Variants in ERBB4 observed in about 807,000 individuals in gnomAD.
The protein encoded by ERBB4 is erb-b2 receptor tyrosine kinase 4.
Under a neutral mutation model 158.0 loss-of-function variants are expected in ERBB4, and 42 were observed. That is an observed-to-expected ratio of 0.27 (90% CI 0.21 to 0.34). ERBB4 has a LOEUF of 0.34. Among genes scored for constraint, ERBB4 ranks in the 10% least tolerant of loss-of-function variants. The pLI, the probability that ERBB4 is intolerant of heterozygous loss-of-function variation, is 1.00. For missense variants in ERBB4, 1,333 were observed against 1,624.1 expected (o/e 0.82, Z 3.08); for synonymous variants, 583 against 558.7 (o/e 1.04, Z -0.61).
Position 211,890,290 on chromosome 2 carries a change from A to C in ERBB4, c.421+57140T>G, listed in dbSNP as rs1246613921. Among the ~76,000 whole-genome samples the C allele has an allele frequency of 8.1e-5, 10 of 122,868 alleles. No homozygotes were observed. In the South Asian group the frequency reaches 3.1e-3, roughly 38 times the overall value. The allele number at this position is 122,868 out of a possible 152,430, so 80.6% of individuals were successfully genotyped here. A position where few individuals can be genotyped will look rare whatever the true frequency, so the allele number is the denominator to read the frequency against. ...AAAAGAATTTTCAACCCAGAATTTC[A>C]TATCCAGCCAAACTAAGCTTCATAA... On this transcript the variant is annotated intron_variant, in intron 3 of 27. Transcript: ENST00000342788.
intron 1 of ERBB4, among the ~76,000 whole-genome samples, chr2:212,512,169 T>TA (rs1383875256): frequency 1.3e-5 from 2 of 152,076 alleles, no homozygotes; most frequent in Non-Finnish European, 2.9e-5. Flanking sequence ...AAGGAAGAGG[T>TA]AAAGGAAGTA....
chr2:211,706,497 A>G (rs114993822), intron 9 of ERBB4, among the ~76,000 whole-genome samples: 220 of 152,008 alleles, frequency 1.4e-3, no homozygotes, highest in African/African-American at 5.3e-3. Flanking sequence ...AAAGAGTATC[A>G]GTTCCAGCAA....
intron 1 of ERBB4, among the ~76,000 whole-genome samples, chr2:212,210,362 AAG>A (rs1296987655): frequency 6.6e-6 from 1 of 152,116 alleles, no homozygotes; most frequent in Admixed American, 6.6e-5. Flanking sequence ...CAGTAAATAA[AAG>A]AAAAAAATGA....
chr2:212,409,412 A>G (rs1321705846), intron 1 of ERBB4, among the ~76,000 whole-genome samples: 1 of 152,088 alleles, frequency 6.6e-6, no homozygotes, highest in East Asian at 1.9e-4. Context: ...TTTGTGGGTT[A>G]TTTTTTATTG....
Position 211,712,039 on chromosome 2 carries a change from T to G in ERBB4, c.1124+11A>C. The G allele has an allele frequency of 1.9e-6, 3 of 1,609,708 alleles. No individual in the cohort carries two copies. The highest frequency in any genetic ancestry group is 1.7e-6 in the Non-Finnish European group (2 of 1,176,282). ...TTTGTAAAATAACTTGCACAAAAATTTAATACTGACCCATGAATACCAGTG... is the reference window on the plus strand; with the variant it reads ...TTTGTAAAATAACTTGCACAAAAATGTAATACTGACCCATGAATACCAGTG... On this transcript the variant is annotated intron_variant, in intron 9 of 27. Coordinates refer to ENST00000342788, the MANE Select transcript of ERBB4 (RefSeq NM_005235.3).
chr2:212,260,980 T>C (rs534995961), intron 1 of ERBB4, among the ~76,000 whole-genome samples: 8 of 152,224 alleles, frequency 5.3e-5, no homozygotes, highest in South Asian at 4.1e-4. Flanking sequence ...ATTACAGGCA[T>C]AAGTAATACA....
intron 3 of ERBB4, among the ~76,000 whole-genome samples, chr2:211,810,904 G>A (rs2076738449): frequency 6.6e-6 from 1 of 151,808 alleles, no homozygotes; most frequent in African/African-American, 2.4e-5. Flanking sequence ...TCGATCTCCT[G>A]ACCTCATGAT....
intron 1 of ERBB4, among the ~76,000 whole-genome samples, chr2:212,516,926 C>A (rs952445329): frequency 6.6e-6 from 1 of 152,072 alleles, no homozygotes; most frequent in African/African-American, 2.4e-5. Flanking sequence ...GCAGAATGAA[C>A]TGAATTCCAT....
chr2:211,521,624 CT>C (rs2066187992), intron 20 of ERBB4, among the ~76,000 whole-genome samples: 1 of 152,160 alleles, frequency 6.6e-6, no homozygotes, highest in Non-Finnish European at 1.5e-5. Context: ...CAGCCTTATA[CT>C]GAAAGAAGAT....
At chr2:211,587,103 A>G (rs2068304308) in intron 19 of ERBB4, among the ~76,000 whole-genome samples, 2 of 151,946 alleles carry the variant, frequency 1.3e-5, no homozygotes, top group Admixed American at 6.6e-5. Context: ...AAGATAAGAC[A>G]CCCTGCAGGG....
At chr2:211,838,246 G>A (rs576005925) in intron 3 of ERBB4, among the ~76,000 whole-genome samples, 8 of 152,082 alleles carry the variant, frequency 5.3e-5, no homozygotes, top group Non-Finnish European at 1.0e-4. Context: ...GTGTGTCAGC[G>A]GGGTGGGGGA....
intron 1 of ERBB4, among the ~76,000 whole-genome samples, chr2:212,432,390 T>C (rs963747140): frequency 2.6e-5 from 4 of 152,158 alleles, no homozygotes; most frequent in African/African-American, 4.8e-5. Flanking sequence ...TTACTTGTAA[T>C]ATGATTAAAT....
At position 211,529,242 on chromosome 2, in the gene ERBB4, T is replaced by C. The variant is rs182874161; in HGVS notation, c.2487+32661A>G. Among the ~76,000 whole-genome samples, 527 of 151,260 alleles carry C rather than the reference T, an allele frequency of 3.5e-3. 1 individual carries two copies. Among genetic ancestry groups the C allele is most frequent in the African/African-American group, 0.012 (507 of 41,310 alleles). Reference sequence around the variant, plus strand: ...CTAGGAGTAACAATATGCCAAAAAATTGGAAAACCTAGGAGAAATGAATAA... The same window carrying C: ...CTAGGAGTAACAATATGCCAAAAAACTGGAAAACCTAGGAGAAATGAATAA... On this transcript the variant is annotated intron_variant, in intron 20 of 27. Coordinates refer to ENST00000342788, the MANE Select transcript of ERBB4 (RefSeq NM_005235.3).
intron 19 of ERBB4, among the ~76,000 whole-genome samples, chr2:211,574,350 G>A (rs1230615331): frequency 6.6e-6 from 1 of 152,184 alleles, no homozygotes; most frequent in African/African-American, 2.4e-5. Flanking sequence ...GGCTAAAGTA[G>A]ATTTTGGCAT....
chr2:211,860,500 T>C (rs1192638946), intron 3 of ERBB4, among the ~76,000 whole-genome samples: 1 of 152,152 alleles, frequency 6.6e-6, no homozygotes, highest in African/African-American at 2.4e-5. Context: ...CAATTATCAT[T>C]GTCCCTGGGT....
intron 1 of ERBB4, among the ~76,000 whole-genome samples, chr2:212,359,565 C>T (rs2089603780): frequency 6.6e-6 from 1 of 151,678 alleles, no homozygotes; most frequent in Non-Finnish European, 1.5e-5. Context: ...CCCCATCAGT[C>T]TCAGAGACAA....
chr2:211,687,735 T>C (rs1179151231), intron 12 of ERBB4, among the ~76,000 whole-genome samples: 2 of 152,124 alleles, frequency 1.3e-5, no homozygotes, highest in African/African-American at 4.8e-5. Flanking sequence ...TCTTGAAATC[T>C]GGGATATATG....
At chr2:212,376,419 T>C (rs975641242) in intron 1 of ERBB4, among the ~76,000 whole-genome samples, 1 of 152,036 alleles carries the variant, frequency 6.6e-6, no homozygotes, top group Non-Finnish European at 1.5e-5. Context: ...ATTTTGCTTC[T>C]TGACCTTCTA....
chr2:211,668,989 TA>T (rs1014875589), intron 14 of ERBB4, among the ~76,000 whole-genome samples: 1 of 151,866 alleles, frequency 6.6e-6, no homozygotes, highest in African/African-American at 2.4e-5. Context: ...TTGGGAGGCC[TA>T]GGTGGGCAGA....
Sources: allele counts gnomAD v4.1 joint callset (sites outside exome capture counted in the v4.1 genomes callset), GRCh38; gene constraint gnomAD v4.1.1; transcripts MANE v1.5; gene names NCBI Gene and HGNC (gene_info 2026-07-23, HGNC 2026-07-21).